KIAA1217: variants seen among roughly 807,000 people sequenced by gnomAD.
KIAA1217 encodes the protein KIAA1217.
Under a neutral mutation model 163.9 loss-of-function variants are expected in KIAA1217, and 88 were observed. The ratio of observed to expected loss-of-function variants is 0.54; its 90% CI spans 0.45 to 0.64. The LOEUF (loss-of-function observed/expected upper bound fraction) is 0.64. Among genes scored for constraint, KIAA1217 ranks in the 30% least tolerant of loss-of-function variants. The probability of loss-of-function intolerance (pLI) is 0.00; values close to 1 mark genes in which losing one functional copy is unlikely to be tolerated. For synonymous variants in KIAA1217, 903 were observed against 923.1 expected (o/e 0.98, Z 0.39); for missense variants, 2,372 against 2,475.0 (o/e 0.96, Z 0.88).
intron 2 of KIAA1217, among the ~76,000 whole-genome samples, chr10:24,118,156 A>G (rs948839119): frequency 2.6e-5 from 4 of 151,900 alleles, no homozygotes; most frequent in Non-Finnish European, 5.9e-5. Context: ...ACGGTTAAAA[A>G]AAAAAAAAAA....
chr10:23,722,378 T>C (rs1185022780), intron 1 of KIAA1217, among the ~76,000 whole-genome samples: 2 of 152,172 alleles, frequency 1.3e-5, no homozygotes. Flanking sequence ...TATGTGTATT[T>C]ACCATAATTT....
intron 2 of KIAA1217, among the ~76,000 whole-genome samples, chr10:24,102,656 G>C (rs979068320): frequency 6.6e-6 from 1 of 152,218 alleles, no homozygotes; most frequent in Non-Finnish European, 1.5e-5. Flanking sequence ...TAAAGCAACA[G>C]TAATCAAGAT....
intron 1 of KIAA1217, among the ~76,000 whole-genome samples, chr10:23,780,201 T>A (rs1244411120): frequency 6.6e-6 from 1 of 152,234 alleles, no homozygotes; most frequent in Non-Finnish European, 1.5e-5. Flanking sequence ...TACTTGTACA[T>A]AGTGAAATGG....
At chr10:24,079,819 A>C (rs2061483666) in intron 2 of KIAA1217, among the ~76,000 whole-genome samples, 1 of 152,172 alleles carries the variant, frequency 6.6e-6, no homozygotes, top group Non-Finnish European at 1.5e-5. Flanking sequence ...CGCACAACTG[A>C]ATTGAAACAC....
At position 24,197,435 on chromosome 10, in the gene KIAA1217, A is replaced by C. The variant is rs1263909543; in HGVS notation, c.-170-22191A>C. ...GCTGACATTGAAAGAATGTACCAAC[A>C]GAAACCTATTAGAGCAGTGAACTTG... On this transcript the variant is annotated intron_variant, in intron 2 of 18. Coordinates refer to the KIAA1217 transcript ENST00000376462. Among the ~76,000 whole-genome samples the C allele has an allele frequency of 3.9e-5, 6 of 152,246 alleles. No homozygotes were observed. The East Asian group carries it at 1.2e-3, about 29-fold the overall frequency.
chr10:23,910,476 C>G lies in KIAA1217; in HGVS notation c.-320-96749C>G, dbSNP rs375515371. ...CTGACTAGATTGTGTACAACGGGTC[C>G]AGCTGCATCCCTGGCTGCAGCTGCC... On this transcript the variant is annotated intron_variant, in intron 1 of 18. Transcript: ENST00000376462. Among the ~76,000 whole-genome samples, 22 of 152,232 alleles carry G rather than the reference C, an allele frequency of 1.4e-4. No homozygotes were observed. The South Asian group carries it at 4.4e-3, about 30-fold the overall frequency.
At chr10:23,830,327 C>A (rs150027515) in intron 1 of KIAA1217, among the ~76,000 whole-genome samples, 2 of 152,104 alleles carry the variant, frequency 1.3e-5, no homozygotes, top group Non-Finnish European at 2.9e-5. Flanking sequence ...TCTCTTGATT[C>A]GGTTGTCCTG....
At chr10:24,103,602 TC>T (rs2062504049) in intron 2 of KIAA1217, among the ~76,000 whole-genome samples, 1 of 151,908 alleles carries the variant, frequency 6.6e-6, no homozygotes, top group Non-Finnish European at 1.5e-5. Flanking sequence ...AGCAGATATG[TC>T]CCCAAAGAAT....
At chr10:24,434,425 C>T (rs2059862441) in intron 4 of KIAA1217, among the ~76,000 whole-genome samples, 1 of 152,140 alleles carries the variant, frequency 6.6e-6, no homozygotes, top group Non-Finnish European at 1.5e-5. Context: ...GCAGCCTCGA[C>T]CTTCTGGGCT....
chr10:24,044,812 T>C (rs1186093125), intron 2 of KIAA1217, among the ~76,000 whole-genome samples: 2 of 152,128 alleles, frequency 1.3e-5, no homozygotes, highest in Admixed American at 1.3e-4. Context: ...TTAAAGTCTT[T>C]AGTCTTCTGT....
At position 23,698,083 on chromosome 10, in the gene KIAA1217, G is replaced by T. The variant is rs181714980; in HGVS notation, c.-321+2849G>T. On this transcript the variant is annotated intron_variant, in intron 1 of 18. Transcript: ENST00000376462. ...TTTATTTTCTCTACTTACAAAATGAGATTATTGTAATTACATGATTTAATT... is the reference window on the plus strand; with the variant it reads ...TTTATTTTCTCTACTTACAAAATGATATTATTGTAATTACATGATTTAATT... Among the ~76,000 whole-genome samples, 3 of 152,288 alleles carry T rather than the reference G, an allele frequency of 2.0e-5. No individual in the cohort carries two copies. In the East Asian group the frequency reaches 5.8e-4, roughly 29 times the overall value.
Position 24,053,629 on chromosome 10 carries a change from AAAAG to A in KIAA1217, c.-171+46275_-171+46278del, listed in dbSNP as rs574713201. Among the ~76,000 whole-genome samples, 309 of 152,198 alleles carry A rather than the reference AAAAG, an allele frequency of 2.0e-3. 1 individual carries two copies. Among genetic ancestry groups the A allele is most frequent in the Middle Eastern group, 0.01 (3 of 294 alleles). On this transcript the variant is annotated intron_variant, in intron 2 of 18. Transcript: ENST00000376462. Reference sequence around the variant, plus strand: ...AATGCCTTTGCCCACTCAAAAAATAAAAAGAAAGAAAGAAAGAAAGAAACCTATT... The same window carrying A: ...AATGCCTTTGCCCACTCAAAAAATAAAAAGAAAGAAAGAAAGAAACCTATT...
At chr10:24,367,113 C>G (rs1300664948) in intron 2 of KIAA1217, 2 of 983,444 alleles carry the variant, frequency 2.0e-6, no homozygotes, top group Non-Finnish European at 2.4e-6. Flanking sequence ...TTCTCCTGGT[C>G]CACAGGCTTT....
chr10:24,416,693 G>A (rs979949617), intron 3 of KIAA1217, among the ~76,000 whole-genome samples: 1 of 152,134 alleles, frequency 6.6e-6, no homozygotes, highest in African/African-American at 2.4e-5. Context: ...ATGTGATCAG[G>A]AAGGGTCCCC....
intron 1 of KIAA1217, among the ~76,000 whole-genome samples, chr10:23,789,400 G>A (rs941745715): frequency 6.6e-6 from 1 of 152,058 alleles, no homozygotes; most frequent in Admixed American, 6.5e-5. Context: ...TGCCATGAAC[G>A]CAGGCTCTAG....
In KIAA1217 at chr10:23,701,148, T is replaced by A. The variant is rs987803656; in HGVS notation, c.-321+5914T>A. On this transcript the variant is annotated intron_variant, in intron 1 of 18. Transcript: ENST00000376462. ...ATAAGACATTATTATTATGGTGTCA[T>A]CTCAGTTCTCCTGGCCTTTTAGTCC... is the stretch of plus-strand genomic sequence containing the variant. 4.6e-5 allele frequency among the ~76,000 whole-genome samples: 7 copies of A among 152,214 alleles called. 1 individual carries two copies. The highest frequency in any genetic ancestry group is 1.7e-4 in the African/African-American group (7 of 41,458).
chr10:24,063,753 T>C (rs1320635181), intron 2 of KIAA1217, among the ~76,000 whole-genome samples: 2 of 152,234 alleles, frequency 1.3e-5, no homozygotes, highest in Non-Finnish European at 1.5e-5. Context: ...TTTCATGATA[T>C]TGATTCTTCC....
At chr10:24,259,490 T>C (rs1381037285) in intron 2 of KIAA1217, among the ~76,000 whole-genome samples, 2 of 152,252 alleles carry the variant, frequency 1.3e-5, no homozygotes, top group Non-Finnish European at 2.9e-5. Context: ...TGGTATGTGC[T>C]TGTGGTCCCC....
chr10:23,775,323 A>G (rs1352967902), intron 1 of KIAA1217, among the ~76,000 whole-genome samples: 1 of 152,220 alleles, frequency 6.6e-6, no homozygotes, highest in Non-Finnish European at 1.5e-5. Flanking sequence ...GGAAGTCAGA[A>G]CAGCAGGACC....
Sources: allele counts gnomAD v4.1 joint callset (sites outside exome capture counted in the v4.1 genomes callset), GRCh38; gene constraint gnomAD v4.1.1; transcripts MANE v1.5; gene names NCBI Gene and HGNC (gene_info 2026-07-23, HGNC 2026-07-21).